EPB41L3: variants seen among roughly 807,000 people sequenced by gnomAD.
EPB41L3 encodes erythrocyte membrane protein band 4.1 like 3, also known as band 4.1-like protein 3.
Under a neutral mutation model 127.1 loss-of-function variants are expected in EPB41L3, and 57 were observed. The observed-to-expected ratio is 0.45, with a 90% CI of 0.36 to 0.56. The LOEUF is 0.56. Among genes scored for constraint, EPB41L3 ranks in the 20% least tolerant of loss-of-function variants. The pLI is 0.00. For synonymous variants in EPB41L3, 572 were observed against 549.5 expected (o/e 1.04, Z -0.57); for missense variants, 1,273 against 1,372.2 (o/e 0.93, Z 1.14).
At chr18:5,532,917 G>C (rs2093456612) in intron 1 of EPB41L3, among the ~76,000 whole-genome samples, 1 of 152,044 alleles carries the variant, frequency 6.6e-6, no homozygotes, top group African/African-American at 2.4e-5. Flanking sequence ...TCTTAAATAA[G>C]AGCATGGAGA....
chr18:5,402,868 A>C (rs1468261511), intron 16 of EPB41L3, among the ~76,000 whole-genome samples: 1 of 152,220 alleles, frequency 6.6e-6, no homozygotes, highest in African/African-American at 2.4e-5. Flanking sequence ...TCTACAAATA[A>C]AATTTAGGGA....
At chr18:5,476,779 G>A (rs2087320906) in intron 3 of EPB41L3, among the ~76,000 whole-genome samples, 1 of 152,190 alleles carries the variant, frequency 6.6e-6, no homozygotes, top group Non-Finnish European at 1.5e-5. Context: ...CCAGCTAGAA[G>A]TATATTACTG....
At chr18:5,580,117 G>A (rs548261480) in intron 3 of EPB41L3, among the ~76,000 whole-genome samples, 5 of 152,220 alleles carry the variant, frequency 3.3e-5, no homozygotes, top group Non-Finnish European at 5.9e-5. Context: ...TGCTCTAAAC[G>A]TCTAAGATAA....
At position 5,397,017 on chromosome 18, in the gene EPB41L3, G is replaced by A; in HGVS notation, c.2841+41C>T. On this transcript the variant is annotated intron_variant, in intron 18 of 22. Transcript: ENST00000341928. This position sits in a 1 kb window ranked among gnomAD's most constrained non-coding sequence, Gnocchi z 4.1. ...CTAAATTTCCAGGCATCCTATATCA[G>A]TTTTATTTTAGTGATAAAAGTAACA... is the stretch of plus-strand genomic sequence containing the variant. The A allele has an allele frequency of 6.5e-7, 1 of 1,534,238 alleles. No homozygotes were observed. Among genetic ancestry groups the A allele is most frequent in the Non-Finnish European group, 8.7e-7 (1 of 1,146,694 alleles).
chr18:5,601,129 T>A (rs1363026828), intron 3 of EPB41L3, among the ~76,000 whole-genome samples: 2 of 152,198 alleles, frequency 1.3e-5, no homozygotes, highest in Non-Finnish European at 2.9e-5. Context: ...ATGCAGGCAT[T>A]TGAAGACGTT....
chr18:5,437,153 T>C (rs1213991034), intron 6 of EPB41L3, among the ~76,000 whole-genome samples: 1 of 152,058 alleles, frequency 6.6e-6, no homozygotes, highest in Non-Finnish European at 1.5e-5. Flanking sequence ...TCCAAATCCA[T>C]ATGTTCGAAT....
At chr18:5,612,806 T>C (rs2094743776) in intron 2 of EPB41L3, among the ~76,000 whole-genome samples, 1 of 152,208 alleles carries the variant, frequency 6.6e-6, no homozygotes, top group Admixed American at 6.5e-5. Flanking sequence ...AGTGGCACAA[T>C]CTTGGCTCAC....
chr18:5,613,970 C>A lies in EPB41L3; in HGVS notation c.-395+381G>T, dbSNP rs58732002. ...CAATAGATAACATGTATAAAAAGTT[C>A]TTTGCAGTTTTCAGTTATCTTTGAG... is the stretch of plus-strand genomic sequence containing the variant. On this transcript the variant is annotated intron_variant, in intron 2 of 21. Coordinates refer to the EPB41L3 transcript ENST00000545076. 2.7e-3 allele frequency among the ~76,000 whole-genome samples: 410 copies of A among 152,246 alleles called. 1 individual carries two copies. The highest frequency in any genetic ancestry group is 9.7e-3 in the African/African-American group (401 of 41,536).
chr18:5,437,997 C>T, intron 6 of EPB41L3, 38 bp downstream of exon 6: 1 of 1,583,260 alleles, frequency 6.3e-7, no homozygotes, highest in Non-Finnish European at 8.7e-7. Flanking sequence ...ACAACTCTCC[C>T]AATATGCTTG....
chr18:5,548,376 C>G (rs2093915366), upstream of EPB41L3, among the ~76,000 whole-genome samples: 1 of 152,144 alleles, frequency 6.6e-6, no homozygotes, highest in Non-Finnish European at 1.5e-5. Context: ...TGTCTACATG[C>G]AAGGCACAGA....
chr18:5,415,733 C>A (rs1223855360), intron 13 of EPB41L3, 85 bp downstream of exon 13: 28 of 1,362,664 alleles, frequency 2.1e-5, no homozygotes, highest in Non-Finnish European at 2.8e-5. Context: ...GAAAGTAGGA[C>A]CACTATGGCA....
intron 11 of EPB41L3, among the ~76,000 whole-genome samples, chr18:5,420,553 T>C (rs1163901696): frequency 1.3e-5 from 2 of 152,218 alleles, no homozygotes; most frequent in Non-Finnish European, 2.9e-5. Context: ...CAGACTACCA[T>C]AATATGCATA....
chr18:5,584,050 C>T (rs1463960230), intron 3 of EPB41L3, among the ~76,000 whole-genome samples: 1 of 152,158 alleles, frequency 6.6e-6, no homozygotes, highest in Non-Finnish European at 1.5e-5. Context: ...TCAGATGACC[C>T]GCCTGCCTCC....
intron 1 of EPB41L3, among the ~76,000 whole-genome samples, chr18:5,492,636 C>T (rs1292677942): frequency 6.6e-6 from 1 of 152,160 alleles, no homozygotes; most frequent in Non-Finnish European, 1.5e-5. Flanking sequence ...AAGCAAACAT[C>T]ATCACTTGAA....
Position 5,539,248 on chromosome 18 carries a change from T to TTC in EPB41L3, c.-12+4663_-12+4664dup, listed in dbSNP as rs10598127. On this transcript the variant is annotated intron_variant, in intron 1 of 22. Transcript: ENST00000341928. Reference sequence around the variant, plus strand: ...TAGGTCTAATATAGACCTTTCTGCTTTCTCTCTCTCTCTCTCTCTCTCTCT... The same window carrying TTC: ...TAGGTCTAATATAGACCTTTCTGCTTTCTCTCTCTCTCTCTCTCTCTCTCTCT... Among the ~76,000 whole-genome samples, 490 of 148,570 alleles carry TTC rather than the reference T, an allele frequency of 3.3e-3. 1 individual carries two copies. The highest frequency in any genetic ancestry group is 0.01 in the African/African-American group (407 of 39,790).
intron 3 of EPB41L3, among the ~76,000 whole-genome samples, chr18:5,459,745 T>G (rs1297865195): frequency 6.6e-6 from 1 of 152,238 alleles, no homozygotes; most frequent in African/African-American, 2.4e-5. Flanking sequence ...ACAGACATAC[T>G]TATGCATTTG....
chr18:5,552,330 G>A (rs529042658), intron 3 of EPB41L3, among the ~76,000 whole-genome samples: 21 of 152,268 alleles, frequency 1.4e-4, no homozygotes, highest in Admixed American at 8.5e-4. Context: ...GTTAAATATC[G>A]TGACTAGAAT....
intron 1 of EPB41L3, among the ~76,000 whole-genome samples, chr18:5,527,943 G>A (rs992170928): frequency 6.6e-6 from 1 of 152,152 alleles, no homozygotes; most frequent in African/African-American, 2.4e-5. Context: ...CTGACTGTTA[G>A]ACAACAACAA....
chr18:5,416,240 G>T lies in EPB41L3; in HGVS notation c.1645C>A (p.His549Asn). 2 of 1,614,148 alleles carry T rather than the reference G, an allele frequency of 1.2e-6. No individual in the cohort carries two copies. Among genetic ancestry groups the T allele is most frequent in the Non-Finnish European group, 1.7e-6 (2 of 1,180,036 alleles). The change falls in exon 13 of 23, where the codon CAC becomes AAC. Residue 549 changes from histidine (H) to asparagine (N), a missense_variant. His to Asn is a moderately conservative substitution (Grantham distance 68, BLOSUM62 1). This residue lies in a region of EPB41L3 where 765 missense variants were observed against 782.9 expected (regional missense o/e 0.98). Transcript: ENST00000341928. ...TCCAAGGCGGGCTCTCCAGGCAGGT[G>T]CTCAGCTCTGGACGGCTCATAACCT... is the stretch of plus-strand genomic sequence containing the variant. ...LPGYEPSRAE[H>N]LPGEPALDSD... is the part of the protein sequence containing the mutation.
Sources: allele counts gnomAD v4.1 joint callset (sites outside exome capture counted in the v4.1 genomes callset), GRCh38; gene constraint gnomAD v4.1.1; regional missense constraint gnomAD v4.1.1; non-coding constraint Gnocchi (gnomAD v3.1); transcripts MANE v1.5; gene names NCBI Gene and HGNC (gene_info 2026-07-23, HGNC 2026-07-21).